The following RIC1 variants were observed in gnomAD, a reference collection of about 807,000 sequenced individuals.
RIC1 encodes RIC1 partner of RAB6A GEF complex, also known as guanine nucleotide exchange factor subunit RIC1.
A neutral mutation model predicts 169.0 loss-of-function variants in RIC1; 88 were observed. That is an observed-to-expected ratio of 0.52 (90% CI 0.44 to 0.62). The LOEUF (loss-of-function observed/expected upper bound fraction) is 0.62, where lower values mean the gene tolerates loss of function less well. Ranked by LOEUF, RIC1 falls within the 20% of genes least tolerant of loss-of-function variation. The pLI is 0.00. For synonymous variants in RIC1, 790 were observed against 601.5 expected (o/e 1.31, Z -4.59); for missense variants, 1,877 against 1,725.5 (o/e 1.09, Z -1.56).
intron 2 of RIC1, among the ~76,000 whole-genome samples, chr9:5,662,149 G>T (rs1819490275): frequency 6.6e-6 from 1 of 152,202 alleles, no homozygotes; most frequent in Non-Finnish European, 1.5e-5. Context: ...AATTGTGTAT[G>T]TTGAACCAGT....
At chr9:5,687,996 C>T (rs1162673989) in intron 2 of RIC1, among the ~76,000 whole-genome samples, 1 of 152,018 alleles carries the variant, frequency 6.6e-6, no homozygotes, top group East Asian at 1.9e-4. Flanking sequence ...TGTCATTCAT[C>T]CAGCCAATGT....
intron 1 of RIC1, among the ~76,000 whole-genome samples, chr9:5,631,170 T>C (rs1817696803): frequency 6.6e-6 from 1 of 152,214 alleles, no homozygotes; most frequent in African/African-American, 2.4e-5. Context: ...ATTGTTTGGT[T>C]TTGGAGTTAC....
intron 12 of RIC1, among the ~76,000 whole-genome samples, chr9:5,750,600 G>C (rs1036575497): frequency 2.0e-5 from 3 of 151,816 alleles, no homozygotes; most frequent in Admixed American, 6.6e-5. Context: ...TTTTAGCAGA[G>C]TTACTTTAAA....
At chr9:5,743,115 C>G in intron 9 of RIC1, 102 bp downstream of exon 9, 1 of 1,062,768 alleles carries the variant, frequency 9.4e-7, no homozygotes, top group East Asian at 2.5e-5. Flanking sequence ...TGCCTTGACT[C>G]TTACCTTAAA....
At position 5,774,284 on chromosome 9, in the gene RIC1, C is replaced by T. The variant is rs1827453935; in HGVS notation, c.*38C>T. ...ATCACAAAGGGGCAGTATTAATTAG[C>T]AGCAGCGTGCAGCTCAGTACGTTGT... On this transcript the variant is annotated 3_prime_UTR_variant, in exon 26 of 26. Coordinates refer to ENST00000414202, the MANE Select transcript of RIC1 (RefSeq NM_020829.4). 6.5e-7 allele frequency: 1 copy of T among 1,539,512 alleles called. No homozygotes were observed.
At chr9:5,741,236 T>G (rs1482426287) in intron 8 of RIC1, among the ~76,000 whole-genome samples, 2 of 152,210 alleles carry the variant, frequency 1.3e-5, no homozygotes, top group African/African-American at 2.4e-5. Flanking sequence ...AGATTGGTCT[T>G]TATAGCTACC....
chr9:5,655,555 C>T (rs1819046635), intron 1 of RIC1, among the ~76,000 whole-genome samples: 1 of 152,240 alleles, frequency 6.6e-6, no homozygotes, highest in African/African-American at 2.4e-5. Context: ...CCAACCTCAG[C>T]CTCCCAAAGT....
At chr9:5,720,483 A>C in intron 5 of RIC1, 131 bp from the exon 6 acceptor site, 1 of 1,154,488 alleles carries the variant, frequency 8.7e-7, no homozygotes, top group South Asian at 1.6e-5. Context: ...ATAGGAAAGG[A>C]CAGTTTAATT....
intron 2 of RIC1, among the ~76,000 whole-genome samples, chr9:5,666,769 T>C (rs989742968): frequency 5.9e-5 from 9 of 151,274 alleles, no homozygotes; most frequent in Non-Finnish European, 1.0e-4. Flanking sequence ...CTGAGGACTT[T>C]TGCATCTGTA....
In RIC1 at chr9:5,713,597, C is replaced by T. The variant is rs77599304; in HGVS notation, c.333-299C>T. 1,289 of 217,546 alleles carry T rather than the reference C, an allele frequency of 5.9e-3. 20 individuals carry two copies. The highest frequency in any genetic ancestry group is 0.028 in the African/African-American group (1,226 of 43,068). The allele number at this position is 217,546 out of a possible 1,614,324, so 13.5% of individuals were successfully genotyped here. On this transcript the variant is annotated intron_variant, in intron 3 of 25. Transcript: ENST00000414202. ...GCCCTCAGGAATTTTAAACAAAATGCCTGTTGGTTCTCTTTAGAGTTAGTT... is the reference window on the plus strand; with the variant it reads ...GCCCTCAGGAATTTTAAACAAAATGTCTGTTGGTTCTCTTTAGAGTTAGTT...
At chr9:5,672,150 G>A (rs10975224) in intron 2 of RIC1, among the ~76,000 whole-genome samples, 2,230 of 152,268 alleles carry the variant, frequency 0.015, 24 homozygotes, top group Middle Eastern at 0.031. Flanking sequence ...GTCTGCCTCT[G>A]CAAACTGTCA....
At chr9:5,650,744 G>A (rs1586880696) in intron 1 of RIC1, among the ~76,000 whole-genome samples, 1 of 152,096 alleles carries the variant, frequency 6.6e-6, no homozygotes, top group South Asian at 2.1e-4. Flanking sequence ...GTACGCTTTG[G>A]CTCTTTTTGT....
intron 4 of RIC1, chr9:5,719,051 T>C (rs1238097161): frequency 6.6e-6 from 1 of 152,226 alleles, no homozygotes; most frequent in African/African-American, 2.4e-5. Context: ...TAGTATTTAA[T>C]AGGGTATATA....
chr9:5,753,653 C>A lies in RIC1; in HGVS notation c.1602+7C>A. 1 of 1,430,100 alleles carries A rather than the reference C, an allele frequency of 7.0e-7. No homozygotes were observed. The highest frequency in any genetic ancestry group is 9.7e-7 in the Non-Finnish European group (1 of 1,026,726). 88.6% of individuals were successfully genotyped at this position (1,430,100 alleles called of 1,614,324 possible). A position where few individuals can be genotyped will look rare whatever the true frequency, so the allele number is the denominator to read the frequency against. ...TTTTGGAAACATTACCCAGGTTAGT[C>A]TTTTTTGAGATTAAAAACCTATTTC... On this transcript the variant is annotated splice_region_variant and intron_variant, in intron 14 of 25. Coordinates refer to ENST00000414202, the MANE Select transcript of RIC1 (RefSeq NM_020829.4).
At chr9:5,712,037 C>G (rs1822961898) in intron 3 of RIC1, among the ~76,000 whole-genome samples, 1 of 152,150 alleles carries the variant, frequency 6.6e-6, no homozygotes, top group South Asian at 2.1e-4. Context: ...AATAAACATA[C>G]ATGCGCATGT....
At chr9:5,739,350 C>G (rs765743870) in intron 8 of RIC1, among the ~76,000 whole-genome samples, 25 of 152,136 alleles carry the variant, frequency 1.6e-4, no homozygotes, top group Admixed American at 2.6e-4. Context: ...ATGCAGAATC[C>G]CTACTTAGTG....
intron 2 of RIC1, among the ~76,000 whole-genome samples, chr9:5,673,059 T>C (rs1820204643): frequency 6.6e-6 from 1 of 152,116 alleles, no homozygotes; most frequent in Non-Finnish European, 1.5e-5. Flanking sequence ...GACAAGCAAG[T>C]GGACATGTAA....
intron 10 of RIC1, 125 bp from the exon 11 acceptor site, chr9:5,745,806 C>T (rs370036090): frequency 6.4e-6 from 5 of 786,518 alleles, no homozygotes; most frequent in East Asian, 2.7e-5. Flanking sequence ...ACGGTTTCTC[C>T]AACCTTCACA....
chr9:5,754,231 T>C lies in RIC1; in HGVS notation c.1602+585T>C, dbSNP rs190463246. 3.0e-3 allele frequency among the ~76,000 whole-genome samples: 460 copies of C among 152,342 alleles called. 4 individuals carry two copies. The highest frequency in any genetic ancestry group is 0.01 in the African/African-American group (434 of 41,578). ...ACACACACACAAACTAGGATTCAGT[T>C]ACTCATCTGATAAGTGATTAAGCCA... On this transcript the variant is annotated intron_variant, in intron 14 of 25. Transcript: ENST00000414202.
Sources: allele counts gnomAD v4.1 joint callset (sites outside exome capture counted in the v4.1 genomes callset), GRCh38; gene constraint gnomAD v4.1.1; transcripts MANE v1.5; gene names NCBI Gene and HGNC (gene_info 2026-07-23, HGNC 2026-07-21).